PTPRM: variants seen among roughly 807,000 people sequenced by gnomAD.
PTPRM encodes the protein protein tyrosine phosphatase receptor type M.
PTPRM carries 47 observed loss-of-function variants against 186.7 expected under a neutral mutation model. The observed-to-expected ratio is 0.25, with a 90% confidence interval of 0.20 to 0.32. PTPRM has a LOEUF of 0.32. Ranked by LOEUF, PTPRM falls within the 10% of genes least tolerant of loss-of-function variation. PTPRM has a pLI of 1.00. For missense variants in PTPRM, 1,494 were observed against 1,865.0 expected (o/e 0.80, Z 3.66); for synonymous variants, 668 against 674.9 (o/e 0.99, Z 0.16).
In PTPRM at chr18:8,166,437, A is replaced by G. The variant is rs117049163; in HGVS notation, c.2300+22658A>G. On this transcript the variant is annotated intron_variant, in intron 14 of 32. Transcript: ENST00000580170. ...TATATTTATTATGTGTGACATCTGTAAGGAACCTATTACAGAGCCCTTCCT... is the reference window on the plus strand; with the variant it reads ...TATATTTATTATGTGTGACATCTGTGAGGAACCTATTACAGAGCCCTTCCT... Among the ~76,000 whole-genome samples, 778 of 152,272 alleles carry G rather than the reference A, an allele frequency of 5.1e-3. 3 individuals are homozygous for G. Among genetic ancestry groups the G allele is most frequent in the African/African-American group, 0.01 (433 of 41,550 alleles).
chr18:7,975,127 G>GTTCCTGTT (rs1340231495), intron 7 of PTPRM, among the ~76,000 whole-genome samples: 1 of 152,202 alleles, frequency 6.6e-6, no homozygotes. Context: ...AATGCTGGGA[G>GTTCCTGTT]GATGTGGAGC....
intron 1 of PTPRM, among the ~76,000 whole-genome samples, chr18:7,612,712 A>T (rs1490938349): frequency 6.6e-6 from 1 of 152,168 alleles, no homozygotes; most frequent in Non-Finnish European, 1.5e-5. Context: ...GAGAAGCTGA[A>T]ATGCCCTTCT....
intron 2 of PTPRM, among the ~76,000 whole-genome samples, chr18:7,861,458 G>A (rs1031116): frequency 0.067 from 10,168 of 152,170 alleles, 453 homozygotes; most frequent in East Asian, 0.14. Context: ...GACTTTGCAG[G>A]TGACAGCATA....
intron 5 of PTPRM, among the ~76,000 whole-genome samples, chr18:7,935,768 A>C (rs1187361108): frequency 6.6e-6 from 1 of 152,184 alleles, no homozygotes; most frequent in African/African-American, 2.4e-5. Context: ...TTTGTCACCC[A>C]GGTGGCGAAC....
intron 4 of PTPRM, among the ~76,000 whole-genome samples, chr18:7,914,615 C>CTAT (rs111719506): frequency 0.27 from 40,488 of 151,562 alleles, 5,734 homozygotes; most frequent in East Asian, 0.44. Flanking sequence ...TTAATGTTAA[C>CTAT]TATTATTATT....
Position 8,245,480 on chromosome 18 carries a change from G to A in PTPRM, c.2452+1271G>A, listed in dbSNP as rs868257652. On this transcript the variant is annotated intron_variant, in intron 15 of 32. Coordinates refer to ENST00000580170, the MANE Select transcript of PTPRM (RefSeq NM_001105244.2). ...GAAATAGAAGCTATGGGGTCTCAGT[G>A]TACCCAAGCTCCTTCCCATTTTTTC... 5.3e-5 allele frequency among the ~76,000 whole-genome samples: 8 copies of A among 152,200 alleles called. No homozygotes were observed. In the Middle Eastern group the frequency reaches 0.014, roughly 259 times the overall value.
chr18:8,342,220 A>G (rs530267290), intron 22 of PTPRM, among the ~76,000 whole-genome samples: 9 of 152,362 alleles, frequency 5.9e-5, no homozygotes, highest in Admixed American at 5.9e-4. Flanking sequence ...TTCAGTGTCC[A>G]GGCTGCTGCA....
At chr18:8,144,915 G>A (rs2092846540) in intron 14 of PTPRM, among the ~76,000 whole-genome samples, 1 of 152,214 alleles carries the variant, frequency 6.6e-6, no homozygotes, top group African/African-American at 2.4e-5. Context: ...TCATGGATGG[G>A]AGAAGGTAAA....
chr18:7,644,812 A>T (rs755255653), intron 1 of PTPRM, among the ~76,000 whole-genome samples: 45 of 152,172 alleles, frequency 3.0e-4, no homozygotes, highest in Admixed American at 1.1e-3. Context: ...CTCTGAAAAG[A>T]CTATGGCCAT....
chr18:7,669,971 T>C (rs542334006), intron 1 of PTPRM, among the ~76,000 whole-genome samples: 1 of 152,292 alleles, frequency 6.6e-6, no homozygotes, highest in South Asian at 2.1e-4. Context: ...CTTGAACTCC[T>C]GACCTCAGAT....
chr18:8,034,622 A>G (rs1478010144), intron 7 of PTPRM, among the ~76,000 whole-genome samples: 2 of 152,216 alleles, frequency 1.3e-5, no homozygotes, highest in Non-Finnish European at 1.5e-5. Flanking sequence ...TTCAGAGCCT[A>G]AGAATAATAC....
chr18:7,590,886 T>C (rs924238562), intron 1 of PTPRM, among the ~76,000 whole-genome samples: 3 of 152,262 alleles, frequency 2.0e-5, no homozygotes, highest in Admixed American at 6.5e-5. Context: ...CCAGGCTTTC[T>C]TGAACATGTT....
At chr18:8,370,823 C>G in intron 23 of PTPRM, 67 bp from the exon 24 acceptor site, 1 of 861,944 alleles carries the variant, frequency 1.2e-6, no homozygotes, top group Non-Finnish European at 1.8e-6. Context: ...CATAGTGTGA[C>G]CCATCATGGG....
chr18:8,076,533 C>T lies in PTPRM; in HGVS notation c.1520C>T (p.Thr507Ile), dbSNP rs753999409. ...ATATTTCTTCAGTGGAGAGAACCAACTCAAACATATGGTGTAATCACTTTA... is the reference window on the plus strand; with the variant it reads ...ATATTTCTTCAGTGGAGAGAACCAATTCAAACATATGGTGTAATCACTTTA... Reference protein sequence around the residue: ...EKIFLQWREPTQTYGVITLYE... With the variant: ...EKIFLQWREPIQTYGVITLYE... Residue 507 changes from threonine (T) to isoleucine (I), a missense_variant, in exon 9 of 33, where the codon ACT becomes ATT. Physicochemically the swap from Thr to Ile is moderately conservative, Grantham distance 89. Transcript: ENST00000580170. 4.4e-6 allele frequency: 7 copies of T among 1,599,372 alleles called. No individual in the cohort carries two copies. Among genetic ancestry groups the T allele is most frequent in the Non-Finnish European group, 3.4e-6 (4 of 1,167,964 alleles).
intron 2 of PTPRM, among the ~76,000 whole-genome samples, chr18:7,784,317 C>G: frequency 6.6e-6 from 1 of 152,144 alleles, no homozygotes; most frequent in Non-Finnish European, 1.5e-5. Flanking sequence ...AAAACAGAGT[C>G]AAGAGGCCGG....
At chr18:7,766,178 C>A (rs2042006769) in intron 1 of PTPRM, among the ~76,000 whole-genome samples, 1 of 152,148 alleles carries the variant, frequency 6.6e-6, no homozygotes, top group Admixed American at 6.5e-5. Context: ...TAGTCCTGCA[C>A]TGAAGCTCCT....
intron 21 of PTPRM, among the ~76,000 whole-genome samples, chr18:8,317,540 A>G (rs2095317710): frequency 6.6e-6 from 1 of 152,148 alleles, no homozygotes; most frequent in Admixed American, 6.6e-5. Context: ...GGGCTGGAGG[A>G]GCTCACTCAG....
At chr18:8,143,968 A>G (rs1483095023) in intron 14 of PTPRM, among the ~76,000 whole-genome samples, 189 bp downstream of exon 14, 1 of 152,226 alleles carries the variant, frequency 6.6e-6, no homozygotes, top group Non-Finnish European at 1.5e-5. Context: ...GTAAATGGCT[A>G]TGATTCTGTG....
chr18:7,629,809 A>G (rs2038149767), intron 1 of PTPRM, among the ~76,000 whole-genome samples: 1 of 152,180 alleles, frequency 6.6e-6, no homozygotes, highest in South Asian at 2.1e-4. Context: ...AATACACATC[A>G]TATTTTTAAA....
Sources: allele counts gnomAD v4.1 joint callset (sites outside exome capture counted in the v4.1 genomes callset), GRCh38; gene constraint gnomAD v4.1.1; transcripts MANE v1.5; gene names NCBI Gene and HGNC (gene_info 2026-07-23, HGNC 2026-07-21).